AIG1: variants seen among roughly 807,000 people sequenced by gnomAD.
AIG1 encodes the protein androgen-induced gene 1 protein.
In AIG1, 23 loss-of-function variants were observed where a neutral mutation model predicts 31.4. That is an observed-to-expected ratio of 0.73 (90% CI 0.53 to 1.04). The LOEUF is 1.04. AIG1 is among the 50% of genes least tolerant of loss of function. The pLI, the probability that AIG1 is intolerant of heterozygous loss-of-function variation, is 0.00. For missense variants in AIG1, 274 were observed against 295.0 expected (o/e 0.93, Z 0.52); for synonymous variants, 100 against 110.5 (o/e 0.90, Z 0.60).
intron 4 of AIG1, among the ~76,000 whole-genome samples, chr6:143,287,426 T>G (rs1195804447): frequency 6.6e-6 from 1 of 152,196 alleles, no homozygotes; most frequent in Non-Finnish European, 1.5e-5. Context: ...GGTGAGCCAC[T>G]GGACTCTTGC....
At chr6:143,108,697 G>A (rs1781024919) in intron 1 of AIG1, among the ~76,000 whole-genome samples, 1 of 152,172 alleles carries the variant, frequency 6.6e-6, no homozygotes, top group African/African-American at 2.4e-5. Context: ...TTTATAGTTA[G>A]AAATGCCTTT....
chr6:143,232,751 C>G (rs1793531837), intron 3 of AIG1, among the ~76,000 whole-genome samples: 2 of 152,208 alleles, frequency 1.3e-5, no homozygotes. Flanking sequence ...CCCAAAATTG[C>G]CTACTTCACA....
intron 2 of AIG1, among the ~76,000 whole-genome samples, chr6:143,163,218 T>A (rs757689182): frequency 1.3e-5 from 2 of 152,152 alleles, no homozygotes; most frequent in Non-Finnish European, 2.9e-5. Context: ...CCTAATTGGT[T>A]TGGTGTCACT....
intron 3 of AIG1, among the ~76,000 whole-genome samples, chr6:143,265,718 C>T (rs1233003586): frequency 6.6e-6 from 1 of 152,182 alleles, no homozygotes; most frequent in African/African-American, 2.4e-5. Context: ...TTCTGAGACC[C>T]TGATAGAAAG....
intron 1 of AIG1, among the ~76,000 whole-genome samples, chr6:143,087,488 G>GGAC (rs1583127810): frequency 6.6e-6 from 1 of 152,326 alleles, no homozygotes; most frequent in East Asian, 1.9e-4. Context: ...GAGCAGCAAT[G>GGAC]GACGCCTCAC....
intron 1 of AIG1, among the ~76,000 whole-genome samples, chr6:143,086,008 T>G (rs1170511202): frequency 6.6e-6 from 1 of 152,244 alleles, no homozygotes; most frequent in Non-Finnish European, 1.5e-5. Context: ...AAGCTACCTT[T>G]TTGCTTTTTT....
At chr6:143,176,311 A>C (rs1788153872) in intron 3 of AIG1, among the ~76,000 whole-genome samples, 1 of 152,152 alleles carries the variant, frequency 6.6e-6, no homozygotes, top group Non-Finnish European at 1.5e-5. Flanking sequence ...TGAAGAGTGC[A>C]TCAGCTGCGG....
chr6:143,112,445 C>T (rs1205394822), intron 1 of AIG1, among the ~76,000 whole-genome samples: 1 of 152,142 alleles, frequency 6.6e-6, no homozygotes, highest in Non-Finnish European at 1.5e-5. Context: ...CATTTTTTCA[C>T]GTTTGTATCC....
intron 1 of AIG1, among the ~76,000 whole-genome samples, chr6:143,091,669 A>G (rs1779317318): frequency 6.6e-6 from 1 of 152,220 alleles, no homozygotes; most frequent in Non-Finnish European, 1.5e-5. Flanking sequence ...TTGGCATCTT[A>G]ATAGCCATAG....
intron 3 of AIG1, among the ~76,000 whole-genome samples, chr6:143,194,557 A>C (rs1326725568): frequency 1.3e-5 from 2 of 152,200 alleles, no homozygotes; most frequent in Non-Finnish European, 2.9e-5. Flanking sequence ...ACTTGGGTTG[A>C]CTTATACATT....
At chr6:143,341,464 G>A (rs934881484), downstream of AIG1, among the ~76,000 whole-genome samples, 9 of 152,116 alleles carry the variant, frequency 5.9e-5, no homozygotes, top group Non-Finnish European at 1.0e-4. Flanking sequence ...CTTTAAAGAG[G>A]GGATTAAGTT....
chr6:143,182,492 G>A (rs1476780431), intron 3 of AIG1, among the ~76,000 whole-genome samples: 6 of 152,028 alleles, frequency 3.9e-5, no homozygotes, highest in African/African-American at 1.5e-4. Context: ...CCAGAGATTT[G>A]CTTAGTTCAC....
intron 1 of AIG1, among the ~76,000 whole-genome samples, chr6:143,106,085 G>A (rs917820933): frequency 1.3e-5 from 2 of 152,122 alleles, no homozygotes; most frequent in African/African-American, 2.4e-5. Context: ...AGCTCATTTC[G>A]ATGTAATTAA....
chr6:143,284,175 G>A lies in AIG1; in HGVS notation c.465G>A (p.Arg155=), dbSNP rs1562555907. 2 of 1,614,058 alleles carry A rather than the reference G, an allele frequency of 1.2e-6. No individual in the cohort carries two copies. The highest frequency in any genetic ancestry group is 3.3e-4 in the Middle Eastern group (2 of 6,052). The part of the protein sequence containing the change: ...MRTSHHQYPS[R]SSGLTAICTF... ...CATCGCACCATCAGTATCCCAGCAG[G>A]AGCAGCGGACTTACCGCCATATGTA... Residue 155 remains arginine, a synonymous_variant, in exon 4 of 6, where the codon AGG becomes AGA. Coordinates refer to ENST00000357847, the MANE Select transcript of AIG1 (RefSeq NM_016108.4). This position sits in a 1 kb window ranked among gnomAD's most constrained non-coding sequence, Gnocchi z 4.4.
At chr6:143,342,371 G>T, downstream of AIG1, 1 of 680,058 alleles carries the variant, frequency 1.5e-6, no homozygotes, top group Non-Finnish European at 2.7e-6. Context: ...TTAGACGCAG[G>T]TTTAACTTCT....
chr6:143,107,293 G>T (rs1409156760), intron 1 of AIG1, among the ~76,000 whole-genome samples: 2 of 152,068 alleles, frequency 1.3e-5, no homozygotes, highest in African/African-American at 4.8e-5. Flanking sequence ...ACAAATGAAG[G>T]ATATTTTAAT....
At chr6:143,239,736 G>A (rs1021264930) in intron 3 of AIG1, among the ~76,000 whole-genome samples, 6 of 152,162 alleles carry the variant, frequency 3.9e-5, no homozygotes, top group Non-Finnish European at 7.3e-5. Flanking sequence ...TTCAAAATGT[G>A]GATTTTGGAC....
rs2128720068 is a variant in AIG1 at position 143,327,587 on chromosome 6, A to G, written c.516-5695A>G. The stretch of plus-strand genomic sequence containing the variant: ...TGAAGATTCACCAAATAAGCTCTAT[A>G]CTTCAGTTACCTATGTACCTGTTAC... On this transcript the variant is annotated intron_variant, in intron 4 of 5. Coordinates refer to ENST00000357847, the MANE Select transcript of AIG1 (RefSeq NM_016108.4). The surrounding 1 kb of genome is among the most constrained non-coding windows in gnomAD (Gnocchi z 5.3). 2 of 366,680 alleles carry G rather than the reference A, an allele frequency of 5.5e-6. No individual in the cohort carries two copies. Among genetic ancestry groups the G allele is most frequent in the Admixed American group, 3.3e-5 (1 of 30,088 alleles). 22.7% of individuals were successfully genotyped at this position (366,680 alleles called of 1,614,324 possible). A position where few individuals can be genotyped will look rare whatever the true frequency, so the allele number is the denominator to read the frequency against.
At chr6:143,146,049 A>T (rs544028778) in intron 2 of AIG1, among the ~76,000 whole-genome samples, 1 of 152,320 alleles carries the variant, frequency 6.6e-6, no homozygotes, top group East Asian at 1.9e-4. Flanking sequence ...AGCTCCATAT[A>T]AAATTTGTCA....
Sources: gnomAD v4.1 joint callset for allele counts (sites outside exome capture counted in the v4.1 genomes callset) on GRCh38, gnomAD v4.1.1 for gene constraint, Gnocchi (gnomAD v3.1) non-coding constraint, MANE v1.5 for transcripts, NCBI Gene and HGNC (gene_info 2026-07-23, HGNC 2026-07-21) for gene names.